The following HHIP variants were observed in gnomAD, a reference collection of about 807,000 sequenced individuals.
HHIP encodes hedgehog-interacting protein.
Under a neutral mutation model 74.0 loss-of-function variants are expected in HHIP, and 12 were observed. The ratio of observed to expected loss-of-function variants is 0.16; its 90% CI spans 0.10 to 0.26. The LOEUF is 0.26. Ranked by LOEUF, HHIP falls within the 10% of genes least tolerant of loss-of-function variation. The pLI is 1.00. For missense variants in HHIP, 788 were observed against 845.0 expected (o/e 0.93, Z 0.84); for synonymous variants, 309 against 311.6 (o/e 0.99, Z 0.09).
At chr4:144,723,306 T>C (rs1227623938) in intron 11 of HHIP, among the ~76,000 whole-genome samples, 1 of 152,144 alleles carries the variant, frequency 6.6e-6, no homozygotes, top group African/African-American at 2.4e-5. Flanking sequence ...CCCAATCTCC[T>C]CTGTGACCAA....
chr4:144,661,286 G>A (rs1728707011), intron 4 of HHIP: 1 of 152,112 alleles, frequency 6.6e-6, no homozygotes, highest in African/African-American at 2.4e-5. Flanking sequence ...TTGGTTCTGA[G>A]TATGTGTATT....
intron 11 of HHIP, among the ~76,000 whole-genome samples, chr4:144,734,091 C>A (rs1353581161): frequency 6.6e-6 from 1 of 151,464 alleles, no homozygotes; most frequent in African/African-American, 2.4e-5. Flanking sequence ...TATATATAAT[C>A]TTCACATATA....
chr4:144,691,802 C>T (rs886078688), intron 4 of HHIP, among the ~76,000 whole-genome samples: 2 of 152,008 alleles, frequency 1.3e-5, no homozygotes, highest in Non-Finnish European at 2.9e-5. Context: ...AAAGCCCTCA[C>T]TCTAAAGTCA....
intron 4 of HHIP, among the ~76,000 whole-genome samples, chr4:144,676,577 A>G (rs771250402): frequency 6.6e-6 from 1 of 152,298 alleles, no homozygotes. Flanking sequence ...ACGAAAACAC[A>G]CACTCATAAT....
intron 4 of HHIP, chr4:144,685,813 G>C (rs898048815): frequency 6.6e-6 from 1 of 152,194 alleles, no homozygotes. Context: ...AATCAGGCAT[G>C]CATTGATCTT....
chr4:144,735,563 T>G (rs1331991601), intron 12 of HHIP, among the ~76,000 whole-genome samples: 1 of 152,112 alleles, frequency 6.6e-6, no homozygotes, highest in Non-Finnish European at 1.5e-5. Flanking sequence ...AGTCAGAAAA[T>G]TAGATAAATT....
chr4:144,725,400 C>T (rs529694884), intron 11 of HHIP, among the ~76,000 whole-genome samples: 1 of 152,258 alleles, frequency 6.6e-6, no homozygotes, highest in African/African-American at 2.4e-5. Context: ...AGAATTTGAA[C>T]TGACATTCCT....
At chr4:144,707,379 T>C in intron 6 of HHIP, 119 bp downstream of exon 6, 1 of 778,900 alleles carries the variant, frequency 1.3e-6, no homozygotes, top group Non-Finnish European at 2.0e-6. Flanking sequence ...GTTAAATACT[T>C]AACTTTTGTC....
In HHIP at chr4:144,738,273, G is replaced by A; in HGVS notation, c.*316G>A. 1.0e-6 allele frequency: 1 copy of A among 987,150 alleles called. No homozygotes were observed. 61.1% of individuals were successfully genotyped at this position (987,150 alleles called of 1,614,324 possible). On this transcript the variant is annotated 3_prime_UTR_variant, in exon 13 of 13. Coordinates refer to ENST00000296575, the MANE Select transcript of HHIP (RefSeq NM_022475.3). ...TGATAATGGATTTTTTATGTTACTA[G>A]AAGAGATTATTTGACTTCCCAGGAA...
At chr4:144,733,922 A>G (rs1731035967) in intron 11 of HHIP, among the ~76,000 whole-genome samples, 1 of 152,204 alleles carries the variant, frequency 6.6e-6, no homozygotes, top group South Asian at 2.1e-4. Context: ...AAATGATGGC[A>G]GTTGTAGAAC....
chr4:144,659,687 G>C lies in HHIP; in HGVS notation c.680G>C (p.Arg227Pro). The C allele has an allele frequency of 3.2e-6, 5 of 1,567,806 alleles. No homozygotes were observed. Among genetic ancestry groups the C allele is most frequent in the Non-Finnish European group, 4.3e-6 (5 of 1,161,378 alleles). The change falls in exon 4 of 13, where the codon CGG becomes CCG. Residue 227 changes from arginine to proline, a missense_variant. Physicochemically the swap from Arg to Pro is moderately radical, Grantham distance 103. Coordinates refer to ENST00000296575, the MANE Select transcript of HHIP (RefSeq NM_022475.3). Reference protein sequence around the residue: ...FCIQEVVSGLRQPVGALHSGD... With the variant: ...FCIQEVVSGLPQPVGALHSGD... ...ATTCAGGAGGTTGTGAGTGGGCTGC[G>C]GCAGCCCGTTGGTGCCCTGCATAGT... is the stretch of plus-strand genomic sequence containing the variant.
chr4:144,683,856 C>T (rs1729409206), intron 4 of HHIP, among the ~76,000 whole-genome samples: 1 of 151,912 alleles, frequency 6.6e-6, no homozygotes, highest in African/African-American at 2.4e-5. Context: ...TTTGCTGGCC[C>T]GCGATTTGGA....
rs1285775510 is a variant in HHIP, at chr4:144,743,975, T to C, written c.*6018T>C. 6.6e-6 allele frequency: 1 copy of C among 152,138 alleles called. No homozygotes were observed. Among genetic ancestry groups the C allele is most frequent in the Admixed American group, 6.5e-5 (1 of 15,268 alleles). The allele number at this position is 152,138 out of a possible 1,614,324, so 9.4% of individuals were successfully genotyped here. On this transcript the variant is annotated 3_prime_UTR_variant, in exon 13 of 13. Coordinates refer to ENST00000296575, the MANE Select transcript of HHIP (RefSeq NM_022475.3). ...ATGATTTTTCTGGAACAAATTAAGA[T>C]TTCATGTACAATAGAGTCCCTTTCC...
chr4:144,677,663 G>A (rs1357711504), intron 4 of HHIP, among the ~76,000 whole-genome samples: 2 of 152,134 alleles, frequency 1.3e-5, no homozygotes, highest in African/African-American at 4.8e-5. Context: ...AGACATTCAC[G>A]GCTTACAGAA....
intron 4 of HHIP, among the ~76,000 whole-genome samples, chr4:144,684,564 C>T (rs1255508635): frequency 6.6e-6 from 1 of 151,976 alleles, no homozygotes; most frequent in Non-Finnish European, 1.5e-5. Flanking sequence ...CAGGCGTGAG[C>T]CACCGCGCCC....
Position 144,738,161 on chromosome 4 carries a change from C to T in HHIP, c.*204C>T. ...TATGCACATACACATACTCATAACC[C>T]CTATATGCGTTGTTGCATAACAGAT... On this transcript the variant is annotated 3_prime_UTR_variant, in exon 13 of 13. Coordinates refer to ENST00000296575, the MANE Select transcript of HHIP (RefSeq NM_022475.3). 4.2e-6 allele frequency: 5 copies of T among 1,189,926 alleles called. No homozygotes were observed. The highest frequency in any genetic ancestry group is 5.2e-6 in the Non-Finnish European group (5 of 960,714). 73.7% of individuals were successfully genotyped at this position (1,189,926 alleles called of 1,614,324 possible). A position where few individuals can be genotyped will look rare whatever the true frequency, so the allele number is the denominator to read the frequency against.
At chr4:144,661,838 G>A (rs562435778) in intron 4 of HHIP, among the ~76,000 whole-genome samples, 18 of 152,144 alleles carry the variant, frequency 1.2e-4, no homozygotes, top group African/African-American at 2.9e-4. Flanking sequence ...ATGCCAATAC[G>A]AATTTTCATA....
At chr4:144,679,756 G>A (rs1055285784) in intron 4 of HHIP, among the ~76,000 whole-genome samples, 5 of 152,178 alleles carry the variant, frequency 3.3e-5, no homozygotes, top group East Asian at 3.9e-4. Context: ...ATAATAATAC[G>A]ACTAACATGA....
At chr4:144,648,449 T>C (rs921315337) in intron 1 of HHIP, 3 of 152,250 alleles carry the variant, frequency 2.0e-5, no homozygotes, top group African/African-American at 4.8e-5. Flanking sequence ...TCTCTTTTTA[T>C]TCTTACCATA....
Sources: allele counts gnomAD v4.1 joint callset (sites outside exome capture counted in the v4.1 genomes callset), GRCh38; gene constraint gnomAD v4.1.1; transcripts MANE v1.5; gene names NCBI Gene and HGNC (gene_info 2026-07-23, HGNC 2026-07-21).